Variants in TTN observed in about 807,000 individuals in gnomAD.
The protein encoded by TTN is connectin.
TTN carries 1,525 observed loss-of-function variants against 3,223.0 expected under a neutral mutation model. That is an observed-to-expected ratio of 0.47 (90% CI 0.45 to 0.49). The LOEUF (loss-of-function observed/expected upper bound fraction) is 0.49. TTN is among the 20% of genes least tolerant of loss of function. The pLI is 0.00. For synonymous variants in TTN, 14,094 were observed against 15,161.0 expected (o/e 0.93, Z 5.17); for missense variants, 40,786 against 43,424.0 (o/e 0.94, Z 5.40).
In TTN at chr2:178,739,877, T is replaced by G. The variant is rs992796171; in HGVS notation, c.13356A>C (p.Thr4452=). ...MYLVTSAKSV[T]EEVTIIIEDV... ...CTTCAATAATGATGGTTACTTCTTC[T>G]GTTACAGACTTTGCCGAAGTAACAA... The change falls in exon 48 of 363, where the codon ACA becomes ACC. Residue 4452 remains threonine, a synonymous_variant. Coordinates refer to ENST00000589042, the MANE Select transcript of TTN (RefSeq NM_001267550.2). 4.3e-6 allele frequency: 7 copies of G among 1,613,806 alleles called. No individual in the cohort carries two copies. In the African/African-American group the frequency reaches 8.0e-5, roughly 18 times the overall value.
intron 149 of TTN, 83 bp downstream of exon 149, chr2:178,675,588 C>T: frequency 9.2e-7 from 1 of 1,085,046 alleles, no homozygotes; most frequent in Non-Finnish European, 1.2e-6. Flanking sequence ...ACAATGCACA[C>T]ATTTATGTTG....
In TTN at chr2:178,785,901, A is replaced by G. The variant is rs1171038793; in HGVS notation, c.2317T>C (p.Ser773Pro). 1 of 1,614,106 alleles carries G rather than the reference A, an allele frequency of 6.2e-7. No individual in the cohort carries two copies. The highest frequency in any genetic ancestry group is 8.5e-7 in the Non-Finnish European group (1 of 1,179,998). ...AVKPRVIQAPSETHIKTTDQK... is the reference protein window; with the variant it reads ...AVKPRVIQAPPETHIKTTDQK... ...TCAGTAGTTTTGATATGAGTCTCAGAAGGAGCCTGGATTACTCTAGGCTTG... is the reference window on the plus strand; with the variant it reads ...TCAGTAGTTTTGATATGAGTCTCAGGAGGAGCCTGGATTACTCTAGGCTTG... The change falls in exon 14 of 363, where the codon TCT (serine) becomes CCT (proline). Residue 773 changes from serine (S) to proline (P), a missense_variant. Physicochemically the swap from Ser to Pro is moderately conservative, Grantham distance 74. Coordinates refer to ENST00000589042, the MANE Select transcript of TTN (RefSeq NM_001267550.2).
At position 178,756,475 on chromosome 2, in the gene TTN, C is replaced by T; in HGVS notation, c.11001G>A (p.Gln3667=). ...GEAPKIFLHL[Q]DVTVKCGDTA... is the part of the protein sequence containing the mutation. ...TGTCACCGCACTTTACAGTGACGTCCTGAAGATGCAGGAAAATCTTGGGCG... is the reference window on the plus strand; with the variant it reads ...TGTCACCGCACTTTACAGTGACGTCTTGAAGATGCAGGAAAATCTTGGGCG... The change falls in exon 46 of 363, where the codon CAG becomes CAA. Residue 3667 remains glutamine (Q), a synonymous_variant. Transcript: ENST00000589042. The T allele has an allele frequency of 2.5e-6, 4 of 1,613,818 alleles. No individual in the cohort carries two copies. Among genetic ancestry groups the T allele is most frequent in the Non-Finnish European group, 3.4e-6 (4 of 1,179,798 alleles).
intron 218 of TTN, 82 bp downstream of exon 218, chr2:178,644,466 G>T: frequency 9.6e-7 from 1 of 1,044,954 alleles, no homozygotes. Flanking sequence ...AAGAGAGACA[G>T]AACATTCGAT....
chr2:178,725,706 G>C, intron 70 of TTN, 57 bp from the exon 71 acceptor site: 2 of 1,548,394 alleles, frequency 1.3e-6, no homozygotes, highest in African/African-American at 1.4e-5. Flanking sequence ...TCATGCGAGA[G>C]TGAAAAAAGT....
chr2:178,633,684 A>C lies in TTN; in HGVS notation c.42683-8T>G. Reference sequence around the variant, plus strand: ...TGAAGTAGGGATCGGCCTCTGTAAAAGACATTTAGCATAAAATTAGAAGAA... The same window carrying C: ...TGAAGTAGGGATCGGCCTCTGTAAACGACATTTAGCATAAAATTAGAAGAA... On this transcript the variant is annotated splice_polypyrimidine_tract_variant and splice_region_variant and intron_variant, in intron 231 of 362. Transcript: ENST00000589042. 6.2e-7 allele frequency: 1 copy of C among 1,610,946 alleles called. No individual in the cohort carries two copies. Among genetic ancestry groups the C allele is most frequent in the Non-Finnish European group, 8.5e-7 (1 of 1,179,012 alleles).
Position 178,554,685 on chromosome 2 carries a change from G to T in TTN, c.88662C>A (p.Leu29554=). ...KTVTAEKITL[L]WRPPADDGGA... is the part of the protein sequence containing the mutation. ...CACCATCATCAGCTGGAGGCCGCCA[G>T]AGAAGGGTGATCTTCTCAGCAGTTA... Residue 29554 remains leucine (L), a synonymous_variant, in exon 332 of 363, where the codon CTC becomes CTA. Coordinates refer to ENST00000589042, the MANE Select transcript of TTN (RefSeq NM_001267550.2). The T allele has an allele frequency of 6.2e-7, 1 of 1,613,964 alleles. No individual in the cohort carries two copies. The highest frequency in any genetic ancestry group is 8.5e-7 in the Non-Finnish European group (1 of 1,179,860).
At position 178,529,950 on chromosome 2, in the gene TTN, G is replaced by C; in HGVS notation, c.106531+10C>G. On this transcript the variant is annotated intron_variant, in intron 359 of 362. Coordinates refer to ENST00000589042, the MANE Select transcript of TTN (RefSeq NM_001267550.2). ...TGAAGAAATGTGGGTAAAAACAAAA[G>C]CCAACCTACCTTTTATTGTTAATTT... 1 of 1,582,256 alleles carries C rather than the reference G, an allele frequency of 6.3e-7. No individual in the cohort carries two copies. Among genetic ancestry groups the C allele is most frequent in the Non-Finnish European group, 8.5e-7 (1 of 1,171,996 alleles).
intron 313 of TTN, 48 bp from the exon 314 acceptor site, chr2:178,582,640 ATAGAG>A: frequency 6.5e-7 from 1 of 1,539,706 alleles, no homozygotes; most frequent in Non-Finnish European, 8.8e-7. Flanking sequence ...GGGAATGAGT[ATAGAG>A]TAGAGGTCTG....
Position 178,740,660 on chromosome 2 carries a change from T to A in TTN, c.12573A>T (p.Ile4191=). The change falls in exon 48 of 363, where the codon ATA becomes ATT. Residue 4191 remains isoleucine (I), a synonymous_variant. Transcript: ENST00000589042. The part of the protein sequence containing the change: ...TEKIFPSAMS[I]EQINSLTVEP... ...CAACTGTTAATGAATTAATTTGTTC[T>A]ATGGACATGGCACTTGGGAAGATTT... The A allele has an allele frequency of 6.2e-7, 1 of 1,613,868 alleles. No individual in the cohort carries two copies. Among genetic ancestry groups the A allele is most frequent in the Non-Finnish European group, 8.5e-7 (1 of 1,179,814 alleles).
At chr2:178,771,135 AT>A in intron 34 of TTN, 75 bp downstream of exon 34, 2 of 1,603,336 alleles carry the variant, frequency 1.2e-6, no homozygotes, top group Non-Finnish European at 1.7e-6. Flanking sequence ...CAAAATGGCC[AT>A]ATCGTTTGTC....
intron 11 of TTN, 116 bp downstream of exon 11, chr2:178,790,592 C>T (rs2154353850): frequency 6.6e-7 from 1 of 1,524,216 alleles, no homozygotes; most frequent in Non-Finnish European, 9.0e-7. Flanking sequence ...TTTCTATTTG[C>T]ATTATAAGAA....
Position 178,614,842 on chromosome 2 carries a change from G to T in TTN, c.48760+5C>A. ...TTTGATAAGACAAAAATCAAAAATA[G>T]ATACCTTGTGTGTCCACAGCCTGGA... On this transcript the variant is annotated splice_donor_5th_base_variant and intron_variant, in intron 260 of 362. Transcript: ENST00000589042. The T allele has an allele frequency of 6.4e-7, 1 of 1,571,634 alleles. No individual in the cohort carries two copies. The highest frequency in any genetic ancestry group is 2.3e-5 in the East Asian group (1 of 42,658).
At chr2:178,751,923 A>T (rs2085645403) in intron 47 of TTN, 1 of 1,588,298 alleles carries the variant, frequency 6.3e-7, no homozygotes. Context: ...CTTGTAGATG[A>T]TATTCTACTT....
At position 178,696,012 on chromosome 2, in the gene TTN, T is replaced by C. The variant is rs373209880; in HGVS notation, c.31060A>G (p.Lys10354Glu). The change falls in exon 114 of 363, where the codon AAA (lysine) becomes GAA (glutamate). Residue 10354 changes from lysine (K) to glutamate (E), a missense_variant. Transcript: ENST00000589042. ...DYEEIKVEAK[K>E]EVHEEWEEDF... is the part of the protein sequence containing the mutation. ...TCTTCCCATTCCTCGTGAACTTCTT[T>C]TTTAGCTTCTACCTTAATCTCTTCA... 9.0e-6 allele frequency: 14 copies of C among 1,548,830 alleles called. No individual in the cohort carries two copies. The highest frequency in any genetic ancestry group is 2.0e-5 in the Admixed American group (1 of 50,710).
At chr2:178,653,166 G>A (rs1247877201) in intron 198 of TTN, 42 bp from the exon 199 acceptor site, 1 of 1,610,176 alleles carries the variant, frequency 6.2e-7, no homozygotes, top group African/African-American at 1.3e-5. Flanking sequence ...GGGTTATGAA[G>A]ACCACTGGAA....
intron 349 of TTN, 110 bp downstream of exon 349, chr2:178,542,154 A>T: frequency 8.7e-7 from 1 of 1,143,922 alleles, no homozygotes; most frequent in Non-Finnish European, 1.2e-6. Context: ...CCACAGGGTT[A>T]ATTTTGTGAC....
At position 178,658,301 on chromosome 2, in the gene TTN, A is replaced by G; in HGVS notation, c.37682T>C (p.Ile12561Thr). ...AACTGCGGGGGCTTCTGGTTTTTTG[A>G]TTGGTGCCTTGGGAATTTTCTTTTC... ...VPEKKIPKAP[I>T]KKPEAPAVTV... Residue 12561 changes from isoleucine (I) to threonine (T), a missense_variant, in exon 185 of 363, where the codon ATC (isoleucine) becomes ACC (threonine). Transcript: ENST00000589042. 1 of 816,244 alleles carries G rather than the reference A, an allele frequency of 1.2e-6. No homozygotes were observed. The highest frequency in any genetic ancestry group is 1.8e-6 in the Non-Finnish European group (1 of 568,374). The allele number at this position is 816,244 out of a possible 1,614,324, so 50.6% of individuals were successfully genotyped here. A position where few individuals can be genotyped will look rare whatever the true frequency, so the allele number is the denominator to read the frequency against.
intron 339 of TTN, 46 bp from the exon 340 acceptor site, chr2:178,547,351 T>C (rs1345680443): frequency 1.9e-6 from 3 of 1,573,478 alleles, no homozygotes; most frequent in Non-Finnish European, 2.6e-6. Flanking sequence ...TTTTATAAAA[T>C]TCAGGGGAAA....
Sources: allele counts gnomAD v4.1 joint callset, GRCh38; gene constraint gnomAD v4.1.1; transcripts MANE v1.5; gene names NCBI Gene and HGNC (gene_info 2026-07-23, HGNC 2026-07-21).